ZNRF2: variants seen among roughly 807,000 people sequenced by gnomAD.
The protein encoded by ZNRF2 is E3 ubiquitin-protein ligase ZNRF2.
In ZNRF2, 16 loss-of-function variants were observed where a neutral mutation model predicts 20.4. The ratio of observed to expected loss-of-function variants is 0.79; its 90% confidence interval spans 0.53 to 1.19. The LOEUF (loss-of-function observed/expected upper bound fraction) is 1.19. Among genes scored for constraint, ZNRF2 ranks in the 50% most tolerant of loss-of-function variants. The probability of loss-of-function intolerance (pLI) is 0.00; values close to 1 mark genes in which losing one functional copy is unlikely to be tolerated. For synonymous variants in ZNRF2, 178 were observed against 144.9 expected, an observed-to-expected ratio of 1.23 and a Z score of -1.64; for missense variants, 363 against 332.4, an observed-to-expected ratio of 1.09 and a Z score of -0.72.
At chr7:30,355,132 A>T (rs1031228149) in intron 2 of ZNRF2, among the ~76,000 whole-genome samples, 4 of 152,254 alleles carry the variant, frequency 2.6e-5, no homozygotes, top group South Asian at 4.1e-4. Context: ...TGCCATTGTC[A>T]TGGAAAAAGA....
chr7:30,333,517 C>T (rs1191288798), intron 2 of ZNRF2, among the ~76,000 whole-genome samples: 1 of 151,680 alleles, frequency 6.6e-6, no homozygotes, highest in Non-Finnish European at 1.5e-5. Flanking sequence ...TTACAGGTGC[C>T]CACCACTACG....
intron 2 of ZNRF2, among the ~76,000 whole-genome samples, chr7:30,328,354 T>G (rs780389250): frequency 2.2e-4 from 33 of 152,238 alleles, no homozygotes; most frequent in Non-Finnish European, 3.8e-4. Context: ...TCAGATACAT[T>G]GGGCCTCTGA....
chr7:30,314,899 C>G (rs995120957), intron 1 of ZNRF2, among the ~76,000 whole-genome samples: 6 of 151,864 alleles, frequency 4.0e-5, no homozygotes, highest in African/African-American at 1.2e-4. Flanking sequence ...TCACTGCAAG[C>G]TCTGCCTCCT....
At chr7:30,291,013 A>G (rs1484205388) in intron 1 of ZNRF2, among the ~76,000 whole-genome samples, 1 of 152,194 alleles carries the variant, frequency 6.6e-6, no homozygotes, top group Non-Finnish European at 1.5e-5. Flanking sequence ...TGTTAACAAA[A>G]CACTTAGTGA....
At chr7:30,291,130 A>C (rs1798900287) in intron 1 of ZNRF2, among the ~76,000 whole-genome samples, 1 of 152,224 alleles carries the variant, frequency 6.6e-6, no homozygotes, top group African/African-American at 2.4e-5. Flanking sequence ...GTACAGACTA[A>C]AGAAAAATCC....
chr7:30,311,160 G>T (rs186151013), intron 1 of ZNRF2, among the ~76,000 whole-genome samples: 4 of 152,168 alleles, frequency 2.6e-5, no homozygotes, highest in African/African-American at 9.6e-5. Context: ...GCTGGCTCTG[G>T]GTCTTGTTTT....
intron 2 of ZNRF2, among the ~76,000 whole-genome samples, chr7:30,328,388 A>T (rs889273278): frequency 6.6e-6 from 1 of 152,210 alleles, no homozygotes; most frequent in Non-Finnish European, 1.5e-5. Context: ...TCAAACAAGA[A>T]CATTTTTTTC....
At chr7:30,310,865 CTGTCCTGTCCTGTCCTGTCT>C (rs920816832) in intron 1 of ZNRF2, among the ~76,000 whole-genome samples, 9 of 151,970 alleles carry the variant, frequency 5.9e-5, no homozygotes, top group African/African-American at 1.9e-4. Flanking sequence ...CTGTCCTGTC[CTGTCCTGTCCTGTCCTGTCT>C]TGTCCTGTCC....
At chr7:30,334,014 A>T (rs1160962965) in intron 2 of ZNRF2, among the ~76,000 whole-genome samples, 1 of 151,938 alleles carries the variant, frequency 6.6e-6, no homozygotes, top group African/African-American at 2.4e-5. Context: ...CCCAAATGTC[A>T]ATTTTATTTT....
At chr7:30,344,384 T>C (rs572004630) in intron 2 of ZNRF2, among the ~76,000 whole-genome samples, 1 of 152,198 alleles carries the variant, frequency 6.6e-6, no homozygotes, top group East Asian at 1.9e-4. Flanking sequence ...TTAGATACTG[T>C]TTTTTTCTAT....
chr7:30,338,543 G>T (rs998266869), intron 2 of ZNRF2, among the ~76,000 whole-genome samples: 1 of 150,810 alleles, frequency 6.6e-6, no homozygotes, highest in African/African-American at 2.4e-5. Flanking sequence ...TTCTGTTCCT[G>T]TGTTAGTTTG....
intron 3 of ZNRF2, among the ~76,000 whole-genome samples, chr7:30,356,699 A>ATT (rs139265962): frequency 3.7e-4 from 27 of 73,210 alleles, no homozygotes; most frequent in South Asian, 5.5e-4. Context: ...ATAACATTGT[A>ATT]TTTTTTTTTT....
At chr7:30,293,942 T>G (rs995440312) in intron 1 of ZNRF2, among the ~76,000 whole-genome samples, 59 of 152,168 alleles carry the variant, frequency 3.9e-4, no homozygotes, top group Non-Finnish European at 1.5e-4. Context: ...CCTATTTATA[T>G]GTGAGCTGAG....
chr7:30,305,786 T>C (rs1332189908), intron 1 of ZNRF2, among the ~76,000 whole-genome samples: 1 of 152,158 alleles, frequency 6.6e-6, no homozygotes, highest in African/African-American at 2.4e-5. Flanking sequence ...TCCTACTTGT[T>C]TGTTTAGTTT....
At chr7:30,301,700 T>TAA (rs61418583) in intron 1 of ZNRF2, among the ~76,000 whole-genome samples, 206 of 115,638 alleles carry the variant, frequency 1.8e-3, no homozygotes, top group Admixed American at 4.7e-3. Flanking sequence ...AGGCTTTTTT[T>TAA]AAAAAAAAAA....
chr7:30,311,150 G>A (rs1327309804), intron 1 of ZNRF2, among the ~76,000 whole-genome samples: 1 of 152,140 alleles, frequency 6.6e-6, no homozygotes, highest in Admixed American at 6.6e-5. Context: ...TGTTTTGTTT[G>A]CTGGCTCTGG....
In ZNRF2 at chr7:30,285,030, C is replaced by G. The variant is rs1382023264; in HGVS notation, c.-328C>G. 1 of 404,476 alleles carries G rather than the reference C, an allele frequency of 2.5e-6. No individual in the cohort carries two copies. Among genetic ancestry groups the G allele is most frequent in the African/African-American group, 2.2e-5 (1 of 45,648 alleles). The allele number at this position is 404,476 out of a possible 1,614,324, so 25.1% of individuals were successfully genotyped here. ...GCGGTAGCGGCCCGTCGTGGCGCAC[C>G]AGAACCGAAACCAGCGGCAGCCGCA... On this transcript the variant is annotated 5_prime_UTR_variant, in exon 1 of 5. Coordinates refer to ENST00000323037, the MANE Select transcript of ZNRF2 (RefSeq NM_147128.4).
intron 2 of ZNRF2, among the ~76,000 whole-genome samples, chr7:30,355,351 C>A (rs1800020028): frequency 2.0e-5 from 3 of 151,784 alleles, no homozygotes; most frequent in African/African-American, 7.3e-5. Context: ...GTCTTTTTAG[C>A]CACATTACAC....
intron 1 of ZNRF2, among the ~76,000 whole-genome samples, chr7:30,304,852 T>G (rs1799174869): frequency 6.6e-6 from 1 of 152,110 alleles, no homozygotes; most frequent in African/African-American, 2.4e-5. Flanking sequence ...AAAAGGGAGC[T>G]CTGTGCCCCT....
Sources: allele counts gnomAD v4.1 joint callset (sites outside exome capture counted in the v4.1 genomes callset), GRCh38; gene constraint gnomAD v4.1.1; transcripts MANE v1.5; gene names NCBI Gene and HGNC (gene_info 2026-07-23, HGNC 2026-07-21).